STRIP2: variants seen among roughly 807,000 people sequenced by gnomAD.
The protein encoded by STRIP2 is striatin interacting protein 2.
Under a neutral mutation model 107.1 loss-of-function variants are expected in STRIP2, and 84 were observed. That is an observed-to-expected ratio of 0.78 (90% CI 0.66 to 0.94). The LOEUF (loss-of-function observed/expected upper bound fraction) is 0.94. STRIP2 is among the 40% of genes least tolerant of loss of function. STRIP2 has a pLI of 0.00. For synonymous variants in STRIP2, 394 were observed against 400.4 expected (o/e 0.98, Z 0.19); for missense variants, 888 against 1,034.2 (o/e 0.86, Z 1.94).
chr7:129,435,203 G>A (rs1407353070), intron 1 of STRIP2, among the ~76,000 whole-genome samples: 1 of 152,226 alleles, frequency 6.6e-6, no homozygotes, highest in Admixed American at 6.5e-5. Context: ...ATTCAGGCAG[G>A]GGCAGTCCTG....
At position 129,485,943 on chromosome 7, in the gene STRIP2, T is replaced by C; in HGVS notation, c.*114T>C. Reference sequence around the variant, plus strand: ...AGTTCAGGGCTCTTCTGGGGGCTCTTGGGCCTAAAGATGGTGCAAGGGTGG... The same window carrying C: ...AGTTCAGGGCTCTTCTGGGGGCTCTCGGGCCTAAAGATGGTGCAAGGGTGG... On this transcript the variant is annotated 3_prime_UTR_variant, in exon 21 of 21. Coordinates refer to ENST00000249344, the MANE Select transcript of STRIP2 (RefSeq NM_020704.3). 1.6e-6 allele frequency: 2 copies of C among 1,254,662 alleles called. No individual in the cohort carries two copies. The highest frequency in any genetic ancestry group is 2.8e-5 in the South Asian group (2 of 72,336). The allele number at this position is 1,254,662 out of a possible 1,614,324, so 77.7% of individuals were successfully genotyped here.
intron 14 of STRIP2, among the ~76,000 whole-genome samples, chr7:129,463,690 T>C (rs1354107056): frequency 6.6e-6 from 1 of 152,174 alleles, no homozygotes; most frequent in African/African-American, 2.4e-5. Flanking sequence ...AGATGGAGTT[T>C]TACCATGTTG....
intron 19 of STRIP2, among the ~76,000 whole-genome samples, chr7:129,482,377 A>ATTTTTT (rs869099836): frequency 1.0e-4 from 7 of 69,028 alleles, no homozygotes; most frequent in African/African-American, 3.0e-4. Context: ...ATATATATAT[A>ATTTTTT]TTTTTTTTTT....
At chr7:129,471,308 A>G (rs1798784351) in intron 18 of STRIP2, among the ~76,000 whole-genome samples, 1 of 152,194 alleles carries the variant, frequency 6.6e-6, no homozygotes, top group Admixed American at 6.5e-5. Flanking sequence ...AAGATGAGGT[A>G]TCTACCTCAT....
chr7:129,485,628 G>T lies in STRIP2; in HGVS notation c.2304G>T (p.Arg768Ser), dbSNP rs902465400. The part of the protein sequence containing the change: ...WDFQAEECTL[R>S]ANIEAFNSRR... The stretch of plus-strand genomic sequence containing the variant: ...TCCAAGCAGAAGAATGTACCTTGAG[G>T]GCCAACATTGAGGCTTTTAACAGCC... The change falls in exon 21 of 21, where the codon AGG becomes AGT. Residue 768 changes from arginine (R) to serine (S), a missense_variant. Coordinates refer to ENST00000249344, the MANE Select transcript of STRIP2 (RefSeq NM_020704.3). 6.2e-7 allele frequency: 1 copy of T among 1,613,872 alleles called. No individual in the cohort carries two copies. Among genetic ancestry groups the T allele is most frequent in the Admixed American group, 1.7e-5 (1 of 59,966 alleles).
chr7:129,440,070 G>A lies in STRIP2; in HGVS notation c.178G>A (p.Gly60Arg), dbSNP rs775724444. Residue 60 changes from glycine (G) to arginine (R), a missense_variant, in exon 2 of 21, where the codon GGG becomes AGG. Gly to Arg is a moderately radical substitution (Grantham distance 125). Transcript: ENST00000249344. ...GGAGTTTGAGTATGGAGATGCAGAT[G>A]GGCATGCAGCCGAGTTGTCAGGTAT... ...TLEFEYGDAD[G>R]HAAELSELYS... 13 of 1,613,992 alleles carry A rather than the reference G, an allele frequency of 8.1e-6. No individual in the cohort carries two copies. The highest frequency in any genetic ancestry group is 2.7e-5 in the African/African-American group (2 of 74,918).
In STRIP2 at chr7:129,470,679, C is replaced by T. The variant is rs183783982; in HGVS notation, c.1908C>T (p.Thr636=). ...SISVLDYPCC[T]IQDLPELTTE... ...CAGTCCTGGATTATCCTTGCTGTAC[C>T]ATCCAGGATTTGCCGGAGCTTACTA... is the stretch of plus-strand genomic sequence containing the variant. Residue 636 remains threonine, a synonymous_variant, in exon 18 of 21, where the codon ACC becomes ACT. Coordinates refer to ENST00000249344, the MANE Select transcript of STRIP2 (RefSeq NM_020704.3). 16 of 1,614,020 alleles carry T rather than the reference C, an allele frequency of 9.9e-6. No homozygotes were observed. The highest frequency in any genetic ancestry group is 1.3e-5 in the African/African-American group (1 of 75,052).
chr7:129,465,461 C>T (rs909886946), intron 16 of STRIP2, among the ~76,000 whole-genome samples: 6 of 152,032 alleles, frequency 3.9e-5, no homozygotes, highest in Admixed American at 2.6e-4. Flanking sequence ...CTGCCTGGGG[C>T]GGGGAAAGAT....
chr7:129,464,289 A>C (rs1332902553), intron 15 of STRIP2, 148 bp downstream of exon 15: 1 of 688,146 alleles, frequency 1.5e-6, no homozygotes, highest in Non-Finnish European at 2.5e-6. Context: ...TTTCCCGTAC[A>C]GGGCTTTCTG....
In STRIP2 at chr7:129,479,102, C is replaced by A. The variant is rs1799049417; in HGVS notation, c.1945-1683C>A. Among the ~76,000 whole-genome samples, 5 of 152,118 alleles carry A rather than the reference C, an allele frequency of 3.3e-5. No individual in the cohort carries two copies. The South Asian group carries it at 1.0e-3, about 32-fold the overall frequency. ...CCAGCCTGACCAACATGGAGAAACC[C>A]CATCTCTACCAAAAATACAAAATTA... On this transcript the variant is annotated intron_variant, in intron 18 of 20. Transcript: ENST00000249344.
At chr7:129,469,744 G>A (rs532481920) in intron 17 of STRIP2, among the ~76,000 whole-genome samples, 177 of 152,338 alleles carry the variant, frequency 1.2e-3, no homozygotes, top group African/African-American at 4.1e-3. Context: ...CCTTTTACTT[G>A]TATAGAAGTT....
At chr7:129,478,163 A>G (rs149825678) in intron 18 of STRIP2, 2,489 of 246,742 alleles carry the variant, frequency 0.01, 32 homozygotes, top group Admixed American at 0.025. Context: ...CTGTTTTACT[A>G]TGATGTAAAA....
rs1055028146 is a variant in STRIP2 at position 129,458,537 on chromosome 7, C to A, written c.1274+87C>A. The A allele has an allele frequency of 7.6e-6, 10 of 1,309,246 alleles. No individual in the cohort carries two copies. Among genetic ancestry groups the A allele is most frequent in the Non-Finnish European group, 4.2e-6 (4 of 954,836 alleles). The allele number at this position is 1,309,246 out of a possible 1,614,324, so 81.1% of individuals were successfully genotyped here. A position where few individuals can be genotyped will look rare whatever the true frequency, so the allele number is the denominator to read the frequency against. The stretch of plus-strand genomic sequence containing the variant: ...TGGGGTAGTCTATGTATTCAAGGCT[C>A]GTTAAGTTGGTCTGGCAGTCAGAAC... On this transcript the variant is annotated intron_variant, in intron 10 of 20. Transcript: ENST00000249344. The surrounding 1 kb of genome is among the most constrained non-coding windows in gnomAD (Gnocchi z 4.6).
intron 6 of STRIP2, 67 bp from the exon 7 acceptor site, chr7:129,454,354 T>C (rs581829): frequency 0.91 from 1,327,551 of 1,459,570 alleles, 604,766 homozygotes; most frequent in East Asian, 0.95. Flanking sequence ...AGAGACCATC[T>C]CTGAGGTCTG....
intron 1 of STRIP2, among the ~76,000 whole-genome samples, chr7:129,436,919 A>G (rs1797756055): frequency 6.6e-6 from 1 of 152,178 alleles, no homozygotes; most frequent in Admixed American, 6.5e-5. Flanking sequence ...AACCTAATAA[A>G]AGGATTCACC....
At chr7:129,467,276 C>T (rs1056168353) in intron 16 of STRIP2, 74 bp from the exon 17 acceptor site, 2 of 1,055,950 alleles carry the variant, frequency 1.9e-6, no homozygotes, top group African/African-American at 3.1e-5. Context: ...ATTTGTATTT[C>T]CTCTCTTTTT....
intron 3 of STRIP2, among the ~76,000 whole-genome samples, chr7:129,450,352 CTG>C (rs2150993895): frequency 1.3e-5 from 2 of 152,292 alleles, no homozygotes; most frequent in Admixed American, 1.3e-4. Flanking sequence ...ACAGGGTTCT[CTG>C]TATCTCAAGT....
intron 8 of STRIP2, among the ~76,000 whole-genome samples, chr7:129,455,790 T>A (rs1369751367): frequency 6.6e-6 from 1 of 152,134 alleles, no homozygotes; most frequent in Non-Finnish European, 1.5e-5. Flanking sequence ...GTTTTGTATT[T>A]TTTTTTTAAT....
At position 129,461,329 on chromosome 7, in the gene STRIP2, A is replaced by G. The variant is rs548724084; in HGVS notation, c.1476+957A>G. Among the ~76,000 whole-genome samples the G allele has an allele frequency of 1.3e-5, 2 of 152,192 alleles. No individual in the cohort carries two copies. Among genetic ancestry groups the G allele is most frequent in the Non-Finnish European group, 2.9e-5 (2 of 68,032 alleles). On this transcript the variant is annotated intron_variant, in intron 13 of 20. Coordinates refer to ENST00000249344, the MANE Select transcript of STRIP2 (RefSeq NM_020704.3). This position sits in a 1 kb window ranked among gnomAD's most constrained non-coding sequence, Gnocchi z 4.0. ...ACAGAGAGGGCTGACTTTGAGAAAT[A>G]AATTCGGGAGTTGTTTGTAACACTT...
Sources: gnomAD v4.1 joint callset for allele counts (sites outside exome capture counted in the v4.1 genomes callset) on GRCh38, gnomAD v4.1.1 for gene constraint, Gnocchi (gnomAD v3.1) non-coding constraint, MANE v1.5 for transcripts, NCBI Gene and HGNC (gene_info 2026-07-23, HGNC 2026-07-21) for gene names.